The following SYT1 variants were observed in gnomAD, a reference collection of about 807,000 sequenced individuals.
SYT1 encodes the protein synaptotagmin-1.
In SYT1, 8 loss-of-function variants were observed where a neutral mutation model predicts 44.8. The observed-to-expected ratio is 0.18, with a 90% CI of 0.10 to 0.32. The LOEUF is 0.32. SYT1 is among the 10% of genes least tolerant of loss of function. The pLI is 1.00. For synonymous variants in SYT1, 154 were observed against 188.8 expected (o/e 0.82, Z 1.51); for missense variants, 286 against 509.3 (o/e 0.56, Z 4.22).
chr12:78,997,554 A>G (rs977010131), intron 2 of SYT1, among the ~76,000 whole-genome samples: 58 of 152,292 alleles, frequency 3.8e-4, no homozygotes, highest in African/African-American at 1.3e-3. Flanking sequence ...TCTTGAGTTT[A>G]TAAGTGATAC....
chr12:79,129,425 C>T (rs1868661666), intron 3 of SYT1, among the ~76,000 whole-genome samples: 1 of 152,094 alleles, frequency 6.6e-6, no homozygotes, highest in Non-Finnish European at 1.5e-5. Context: ...TAAAACTTTC[C>T]CTCATGGGTC....
rs144591118 is a variant in SYT1, at chr12:78,955,843, T to TAG, written c.-216-21938_-216-21937dup. On this transcript the variant is annotated intron_variant, in intron 1 of 10. Transcript: ENST00000261205. ...GTGTGTGTGTGTGTGTGTGTGCATGTAGAGAGAGAGAGAGAGAGAAGCACT... is the reference window on the plus strand; with the variant it reads ...GTGTGTGTGTGTGTGTGTGTGCATGTAGAGAGAGAGAGAGAGAGAGAAGCACT... Among the ~76,000 whole-genome samples, 1,253 of 144,834 alleles carry TAG rather than the reference T, an allele frequency of 8.7e-3. 18 individuals are homozygous for TAG. Among genetic ancestry groups the TAG allele is most frequent in the African/African-American group, 0.029 (1,150 of 39,472 alleles).
intron 1 of SYT1, among the ~76,000 whole-genome samples, chr12:78,870,182 A>G (rs550700320): frequency 2.0e-5 from 3 of 152,092 alleles, no homozygotes; most frequent in Non-Finnish European, 4.4e-5. Flanking sequence ...GTTGGACAAC[A>G]TTTCATCACA....
chr12:79,317,430 C>T (rs1354463289), intron 8 of SYT1, among the ~76,000 whole-genome samples: 4 of 152,086 alleles, frequency 2.6e-5, no homozygotes, highest in African/African-American at 9.7e-5. Flanking sequence ...AATTATTTTC[C>T]CCCTGGGACG....
chr12:79,248,711 C>A (rs1245821), intron 4 of SYT1, among the ~76,000 whole-genome samples: 107,961 of 151,988 alleles, frequency 0.71, 38,873 homozygotes, highest in African/African-American at 0.79. Context: ...GAAAGGCTTG[C>A]TTCTGGAATA....
rs1283893572 is a variant in SYT1 at position 79,349,039 on chromosome 12, A to AAGAAAGAAAGAAAGAAAGAGAG, written c.811-4445_811-4444insAGAGAGAAAGAAAGAAAGAAAG. Among the ~76,000 whole-genome samples the AAGAAAGAAAGAAAGAAAGAGAG allele has an allele frequency of 3.6e-5, 5 of 140,080 alleles. No individual in the cohort carries two copies. The South Asian group carries it at 1.2e-3, about 33-fold the overall frequency. The allele number at this position is 140,080 out of a possible 152,430, so 91.9% of individuals were successfully genotyped here. A position where few individuals can be genotyped will look rare whatever the true frequency, so the allele number is the denominator to read the frequency against. On this transcript the variant is annotated intron_variant, in intron 8 of 10. Transcript: ENST00000261205. ...AGAAAGAAAGAAAGAAAGAAAAAGA[A>AAGAAAGAAAGAAAGAAAGAGAG]AGAAAGAAAGAAAGAAAGGAGGGAG...
chr12:79,441,550 G>T (rs1870420619), intron 9 of SYT1, among the ~76,000 whole-genome samples: 2 of 152,034 alleles, frequency 1.3e-5, no homozygotes, highest in African/African-American at 4.8e-5. Flanking sequence ...CCTAACCTCA[G>T]GTGATCTACC....
chr12:78,976,119 C>T (rs1006930707), intron 1 of SYT1, among the ~76,000 whole-genome samples: 1 of 152,100 alleles, frequency 6.6e-6, no homozygotes, highest in Admixed American at 6.6e-5. Context: ...CAAATTTACA[C>T]CATGACACTT....
chr12:79,089,005 G>A (rs1877590352), intron 3 of SYT1, among the ~76,000 whole-genome samples: 1 of 151,950 alleles, frequency 6.6e-6, no homozygotes, highest in Non-Finnish European at 1.5e-5. Context: ...TTTTAGACAT[G>A]TTAATAATAA....
At chr12:79,223,677 G>C (rs985067033) in intron 4 of SYT1, among the ~76,000 whole-genome samples, 4 of 152,178 alleles carry the variant, frequency 2.6e-5, no homozygotes, top group African/African-American at 7.2e-5. Flanking sequence ...TGAAGCCCAA[G>C]ACAACTGATA....
At position 79,185,407 on chromosome 12, in the gene SYT1, G is replaced by A. The variant is rs145413598; in HGVS notation, c.-17-32096G>A. Reference sequence around the variant, plus strand: ...TGAATGCACATTGGAGTGATCTAGTGTGAGATTTTACAGAACAACTATTCC... The same window carrying A: ...TGAATGCACATTGGAGTGATCTAGTATGAGATTTTACAGAACAACTATTCC... On this transcript the variant is annotated intron_variant, in intron 3 of 10. Transcript: ENST00000261205. Among the ~76,000 whole-genome samples, 52 of 152,006 alleles carry A rather than the reference G, an allele frequency of 3.4e-4. No homozygotes were observed. The East Asian group carries it at 8.7e-3, about 26-fold the overall frequency.
chr12:79,431,920 G>C (rs1348710506), intron 9 of SYT1, among the ~76,000 whole-genome samples: 1 of 152,080 alleles, frequency 6.6e-6, no homozygotes, highest in African/African-American at 2.4e-5. Context: ...GATTACCAAG[G>C]TAGAAGTTGA....
chr12:78,914,291 G>A (rs906828941), intron 1 of SYT1, among the ~76,000 whole-genome samples: 1 of 151,742 alleles, frequency 6.6e-6, no homozygotes. Flanking sequence ...GGAAAAAGAT[G>A]GCTTGTGGTG....
chr12:79,013,781 A>T (rs1015186075), intron 2 of SYT1, among the ~76,000 whole-genome samples: 1 of 152,174 alleles, frequency 6.6e-6, no homozygotes, highest in African/African-American at 2.4e-5. Flanking sequence ...AAGCTTATGA[A>T]GGTTTTCTTC....
At chr12:78,974,293 A>G (rs1427373799) in intron 1 of SYT1, among the ~76,000 whole-genome samples, 1 of 151,862 alleles carries the variant, frequency 6.6e-6, no homozygotes, top group Non-Finnish European at 1.5e-5. Flanking sequence ...CATTAACTGA[A>G]ATTTTATTAT....
intron 2 of SYT1, among the ~76,000 whole-genome samples, chr12:79,029,063 T>C (rs553842502): frequency 6.6e-6 from 1 of 151,408 alleles, no homozygotes; most frequent in Non-Finnish European, 1.5e-5. Context: ...ATGTACAAGA[T>C]ATATTTTTGT....
chr12:79,165,402 A>G (rs1251965971), intron 3 of SYT1, among the ~76,000 whole-genome samples: 2 of 152,022 alleles, frequency 1.3e-5, no homozygotes, highest in Admixed American at 6.6e-5. Flanking sequence ...AATCAGATTT[A>G]GAACAGTGTT....
chr12:79,066,024 G>A (rs1424454106), intron 3 of SYT1, among the ~76,000 whole-genome samples: 1 of 151,882 alleles, frequency 6.6e-6, no homozygotes, highest in Non-Finnish European at 1.5e-5. Context: ...AGACAGAAAA[G>A]ACCACACACA....
chr12:79,421,787 T>C (rs1290780639), intron 9 of SYT1, among the ~76,000 whole-genome samples: 1 of 152,028 alleles, frequency 6.6e-6, no homozygotes, highest in Non-Finnish European at 1.5e-5. Context: ...AAGGAATGTC[T>C]TTATACTTGA....
Sources: gnomAD v4.1 joint callset for allele counts (sites outside exome capture counted in the v4.1 genomes callset) on GRCh38, gnomAD v4.1.1 for gene constraint, MANE v1.5 for transcripts, NCBI Gene and HGNC (gene_info 2026-07-23, HGNC 2026-07-21) for gene names.